LGALS9: variants seen among roughly 807,000 people sequenced by gnomAD.
The protein encoded by LGALS9 is galectin 9, also known as galectin-9.
A neutral mutation model predicts 35.9 loss-of-function variants in LGALS9; 26 were observed. That is an observed-to-expected ratio of 0.72 (90% CI 0.53 to 1.01). The LOEUF (loss-of-function observed/expected upper bound fraction) is 1.01, where lower values mean the gene tolerates loss of function less well. LGALS9 is among the 50% of genes least tolerant of loss of function. The probability of loss-of-function intolerance (pLI) is 0.00; values close to 1 mark genes in which losing one functional copy is unlikely to be tolerated. For missense variants in LGALS9, 347 were observed against 445.8 expected (o/e 0.78, Z 1.99); for synonymous variants, 149 against 172.2 (o/e 0.87, Z 1.06).
rs1905126681 is a variant in LGALS9 at position 27,648,937 on chromosome 17, A to G, written c.1023A>G (p.Arg341=). ...TGAGGAACCTGCCCACCATCAACAG[A>G]CTGGAAGTGGGGGGCGACATCCAGC... is the stretch of plus-strand genomic sequence containing the variant. The part of the protein sequence containing the change: ...HRLRNLPTIN[R]LEVGGDIQLT... Residue 341 remains arginine (R), a synonymous_variant, in exon 11 of 11, where the codon AGA becomes AGG. Coordinates refer to ENST00000395473, the MANE Select transcript of LGALS9 (RefSeq NM_009587.3). The G allele has an allele frequency of 2.5e-6, 4 of 1,613,904 alleles. No homozygotes were observed. Among genetic ancestry groups the G allele is most frequent in the Non-Finnish European group, 3.4e-6 (4 of 1,179,824 alleles).
intron 4 of LGALS9, among the ~76,000 whole-genome samples, chr17:27,642,627 G>C (rs1047507494): frequency 2.6e-5 from 4 of 151,908 alleles, no homozygotes; most frequent in South Asian, 4.1e-4. Flanking sequence ...GGTAAGGAGG[G>C]CATATTGTTC....
intron 1 of LGALS9, among the ~76,000 whole-genome samples, chr17:27,637,392 G>A (rs1004482512): frequency 3.9e-5 from 6 of 152,206 alleles, no homozygotes; most frequent in African/African-American, 1.4e-4. Flanking sequence ...GCTTCCCAAG[G>A]TCACTCAGGT....
At chr17:27,647,458 G>A (rs202194954) in intron 10 of LGALS9, 26 bp downstream of exon 10, 4 of 1,613,846 alleles carry the variant, frequency 2.5e-6, no homozygotes, top group Non-Finnish European at 3.4e-6. Flanking sequence ...CTGGAGCTTG[G>A]AGAGGCTCCC....
At position 27,649,253 on chromosome 17, in the gene LGALS9, G is replaced by A; in HGVS notation, c.*271G>A. 1 of 553,840 alleles carries A rather than the reference G, an allele frequency of 1.8e-6. No individual in the cohort carries two copies. The highest frequency in any genetic ancestry group is 2.0e-5 in the South Asian group (1 of 49,536). The allele number at this position is 553,840 out of a possible 1,614,324, so 34.3% of individuals were successfully genotyped here. On this transcript the variant is annotated 3_prime_UTR_variant, in exon 11 of 11. Coordinates refer to ENST00000395473, the MANE Select transcript of LGALS9 (RefSeq NM_009587.3). ...CAGGAGGCAGGCACAGCCAGGGAGA[G>A]GGGAGGAGTGGGCAGTGAAGATGAA...
chr17:27,641,220 C>A (rs1344806197), intron 3 of LGALS9, among the ~76,000 whole-genome samples: 1 of 152,048 alleles, frequency 6.6e-6, no homozygotes, highest in Non-Finnish European at 1.5e-5. Context: ...GCTTGAGAAG[C>A]CTGTGGGTAA....
chr17:27,645,457 C>A, intron 6 of LGALS9, 108 bp downstream of exon 6: 3 of 1,443,374 alleles, frequency 2.1e-6, no homozygotes, highest in Non-Finnish European at 1.9e-6. Flanking sequence ...GGGGAGGGCA[C>A]AGACCAGACC....
rs181481583 is a variant in LGALS9 at position 27,631,528 on chromosome 17, A to G, written c.39+224A>G. On this transcript the variant is annotated intron_variant, in intron 1 of 10. Transcript: ENST00000395473. ...CCTTCCCACGAGTCATGGCTTTGAC[A>G]GTGTTGACTGAGCTGTCCTGTCCTG... is the stretch of plus-strand genomic sequence containing the variant. Among the ~76,000 whole-genome samples, 262 of 152,302 alleles carry G rather than the reference A, an allele frequency of 1.7e-3. 1 individual carries two copies. Among genetic ancestry groups the G allele is most frequent in the African/African-American group, 5.7e-3 (238 of 41,568 alleles).
At chr17:27,646,761 C>T (rs1904979911) in intron 8 of LGALS9, among the ~76,000 whole-genome samples, 173 bp downstream of exon 8, 1 of 152,206 alleles carries the variant, frequency 6.6e-6, no homozygotes, top group Non-Finnish European at 1.5e-5. Context: ...GAGCTTTCAA[C>T]CTTAAAACTG....
chr17:27,642,144 T>C, intron 3 of LGALS9, 94 bp from the exon 4 acceptor site: 3 of 1,527,186 alleles, frequency 2.0e-6, no homozygotes, highest in Non-Finnish European at 2.6e-6. Flanking sequence ...CAGACTCAGG[T>C]CTTCATTTTC....
intron 1 of LGALS9, among the ~76,000 whole-genome samples, chr17:27,637,369 A>C (rs2074464210): frequency 6.6e-6 from 1 of 152,224 alleles, no homozygotes; most frequent in African/African-American, 2.4e-5. Flanking sequence ...TGAGGCACAG[A>C]GAGGTGAAAT....
chr17:27,647,323 G>T lies in LGALS9; in HGVS notation c.812G>T (p.Arg271Leu). The change falls in exon 10 of 11, where the codon CGT becomes CTT. Residue 271 changes from arginine to leucine, a missense_variant. Coordinates refer to ENST00000395473, the MANE Select transcript of LGALS9 (RefSeq NM_009587.3). ...CACATCGCCTTCCACCTGAACCCCCGTTTTGATGAGAATGCTGTGGTCCGC... is the reference window on the plus strand; with the variant it reads ...CACATCGCCTTCCACCTGAACCCCCTTTTTGATGAGAATGCTGTGGTCCGC... ...GNHIAFHLNPRFDENAVVRNT... is the reference protein window; with the variant it reads ...GNHIAFHLNPLFDENAVVRNT... 6.2e-7 allele frequency: 1 copy of T among 1,614,150 alleles called. No individual in the cohort carries two copies. Among genetic ancestry groups the T allele is most frequent in the Non-Finnish European group, 8.5e-7 (1 of 1,180,032 alleles).
chr17:27,647,472 G>A (rs752013771), intron 10 of LGALS9, 40 bp downstream of exon 10: 1 of 1,611,836 alleles, frequency 6.2e-7, no homozygotes, highest in African/African-American at 1.3e-5. Flanking sequence ...GGCTCCCATG[G>A]GTGCACAGGG....
chr17:27,635,055 T>A (rs1246555896), intron 1 of LGALS9, among the ~76,000 whole-genome samples: 1 of 152,230 alleles, frequency 6.6e-6, no homozygotes, highest in Non-Finnish European at 1.5e-5. Context: ...CTTTTTCCTG[T>A]CAGAGGACTT....
In LGALS9 at chr17:27,649,108, G is replaced by A; in HGVS notation, c.*126G>A. ...ATCTGGGCTTTAATGCAGAGGCCAT[G>A]TCCTTGTCTGGTCCTGCTTCTGGCT... On this transcript the variant is annotated 3_prime_UTR_variant, in exon 11 of 11. Transcript: ENST00000395473. The A allele has an allele frequency of 6.9e-7, 1 of 1,449,064 alleles. No individual in the cohort carries two copies. Among genetic ancestry groups the A allele is most frequent in the South Asian group, 1.3e-5 (1 of 77,998 alleles). The allele number at this position is 1,449,064 out of a possible 1,614,324, so 89.8% of individuals were successfully genotyped here. A position where few individuals can be genotyped will look rare whatever the true frequency, so the allele number is the denominator to read the frequency against.
rs151095310 is a variant in LGALS9 at position 27,647,382 on chromosome 17, G to A, written c.871G>A (p.Glu291Lys). ...GATCGACAACTCCTGGGGGTCTGAG[G>A]AGCGAAGTCTGCCCCGAAAAATGCC... ...TQIDNSWGSE[E>K]RSLPRKMPFV... Residue 291 changes from glutamate to lysine, a missense_variant, in exon 10 of 11, where the codon GAG becomes AAG. Coordinates refer to ENST00000395473, the MANE Select transcript of LGALS9 (RefSeq NM_009587.3). 5.3e-5 allele frequency: 85 copies of A among 1,614,034 alleles called. No individual in the cohort carries two copies. Among genetic ancestry groups the A allele is most frequent in the Non-Finnish European group, 6.9e-5 (82 of 1,180,016 alleles).
intron 8 of LGALS9, 110 bp from the exon 9 acceptor site, chr17:27,646,920 C>A: frequency 2.7e-6 from 4 of 1,501,768 alleles, no homozygotes; most frequent in Non-Finnish European, 3.6e-6. Context: ...TTTTATGGAA[C>A]CAAGTAAAGA....
chr17:27,640,543 A>T (rs1306476670), intron 2 of LGALS9, 29 bp from the exon 3 acceptor site: 1 of 1,613,704 alleles, frequency 6.2e-7, no homozygotes, highest in African/African-American at 1.3e-5. Context: ...TCCATGCCAC[A>T]GAAGACTATT....
At position 27,647,447 on chromosome 17, in the gene LGALS9, T is replaced by C. The variant is rs199868300; in HGVS notation, c.921+15T>C. The C allele has an allele frequency of 6.2e-7, 1 of 1,613,998 alleles. No homozygotes were observed. The highest frequency in any genetic ancestry group is 8.5e-7 in the Non-Finnish European group (1 of 1,179,968). ...AGAGCTTCTCAGTAAGGCACCGCAGTCTGGAGCTTGGAGAGGCTCCCATGG... is the reference window on the plus strand; with the variant it reads ...AGAGCTTCTCAGTAAGGCACCGCAGCCTGGAGCTTGGAGAGGCTCCCATGG... On this transcript the variant is annotated intron_variant, in intron 10 of 10. Transcript: ENST00000395473.
At chr17:27,633,439 C>T (rs2074411592) in intron 1 of LGALS9, among the ~76,000 whole-genome samples, 1 of 152,220 alleles carries the variant, frequency 6.6e-6, no homozygotes, top group Non-Finnish European at 1.5e-5. Flanking sequence ...TCTGAGGCAG[C>T]GGGGCACCTT....
Sources: allele counts gnomAD v4.1 joint callset (sites outside exome capture counted in the v4.1 genomes callset), GRCh38; gene constraint gnomAD v4.1.1; transcripts MANE v1.5; gene names NCBI Gene and HGNC (gene_info 2026-07-23, HGNC 2026-07-21).